The following ATXN7L1 variants were observed in gnomAD, a reference collection of about 807,000 sequenced individuals.
The protein encoded by ATXN7L1 is ataxin-7-like protein 1.
ATXN7L1 carries 15 observed loss-of-function variants against 70.8 expected under a neutral mutation model. The observed-to-expected ratio is 0.21, with a 90% CI of 0.14 to 0.33. The LOEUF is 0.33. Ranked by LOEUF, ATXN7L1 falls within the 10% of genes least tolerant of loss-of-function variation. ATXN7L1 has a pLI of 1.00. For missense variants in ATXN7L1, 975 were observed against 1,097.1 expected (o/e 0.89, Z 1.57); for synonymous variants, 440 against 445.1 (o/e 0.99, Z 0.14).
intron 2 of ATXN7L1, among the ~76,000 whole-genome samples, chr7:105,852,781 C>T (rs1313095689): frequency 2.0e-5 from 3 of 151,832 alleles, no homozygotes; most frequent in African/African-American, 7.3e-5. Context: ...AACAGGTATA[C>T]CCGCATTCAC....
At chr7:105,674,747 G>T (rs978953405) in intron 3 of ATXN7L1, among the ~76,000 whole-genome samples, 1 of 152,142 alleles carries the variant, frequency 6.6e-6, no homozygotes, top group African/African-American at 2.4e-5. Context: ...TTCCCCTGTG[G>T]TGGCATTCCC....
At chr7:105,670,488 T>C (rs984287052) in intron 3 of ATXN7L1, among the ~76,000 whole-genome samples, 2 of 152,238 alleles carry the variant, frequency 1.3e-5, no homozygotes, top group African/African-American at 2.4e-5. Context: ...TATAGCTTTA[T>C]TAAGAAAACT....
intron 4 of ATXN7L1, among the ~76,000 whole-genome samples, chr7:105,646,303 CCT>C (rs978607290): frequency 1.3e-5 from 2 of 152,032 alleles, no homozygotes; most frequent in African/African-American, 4.8e-5. Context: ...TCAACTCCCC[CCT>C]GACCCCACTG....
At chr7:105,866,772 C>T (rs997388599) in intron 2 of ATXN7L1, among the ~76,000 whole-genome samples, 1 of 152,168 alleles carries the variant, frequency 6.6e-6, no homozygotes, top group Non-Finnish European at 1.5e-5. Context: ...AAAGTAGAAC[C>T]CACTGGCTAA....
At chr7:105,627,768 G>GT (rs956944963) in intron 7 of ATXN7L1, among the ~76,000 whole-genome samples, 8 of 150,436 alleles carry the variant, frequency 5.3e-5, no homozygotes, top group African/African-American at 1.7e-4. Context: ...CTGACCTTAG[G>GT]TGATCTGCCC....
chr7:105,758,197 T>C (rs1344973390), intron 3 of ATXN7L1, among the ~76,000 whole-genome samples: 1 of 152,122 alleles, frequency 6.6e-6, no homozygotes, highest in East Asian at 1.9e-4. Flanking sequence ...AGCAGTGATA[T>C]GTGAAGGGGG....
At chr7:105,670,889 G>A (rs569142158) in intron 3 of ATXN7L1, among the ~76,000 whole-genome samples, 4 of 152,032 alleles carry the variant, frequency 2.6e-5, no homozygotes, top group South Asian at 2.1e-4. Flanking sequence ...GATGGATCAC[G>A]AGGTCAGGAG....
chr7:105,872,435 A>G (rs1818406822), intron 2 of ATXN7L1, among the ~76,000 whole-genome samples: 1 of 152,074 alleles, frequency 6.6e-6, no homozygotes, highest in African/African-American at 2.4e-5. Context: ...CCACCAACAG[A>G]TAAGTGGATA....
chr7:105,678,152 G>T (rs1301400103), intron 3 of ATXN7L1: 5 of 365,216 alleles, frequency 1.4e-5, no homozygotes, highest in African/African-American at 1.1e-4. Context: ...GAAGCAAAAG[G>T]TCTGAGTTAT....
intron 2 of ATXN7L1, among the ~76,000 whole-genome samples, chr7:105,800,278 C>A (rs1315468500): frequency 6.6e-6 from 1 of 152,186 alleles, no homozygotes; most frequent in Non-Finnish European, 1.5e-5. Context: ...GGGTTCCCAG[C>A]TTCAGTTTCC....
At chr7:105,724,573 CAAAAAAAA>C (rs573733959) in intron 3 of ATXN7L1, among the ~76,000 whole-genome samples, 13 of 80,454 alleles carry the variant, frequency 1.6e-4, no homozygotes, top group South Asian at 8.5e-4. Context: ...GACTCTGTCT[CAAAAAAAA>C]AAAAAAAAAA....
In ATXN7L1 at chr7:105,673,301, C is replaced by T. The variant is rs192601892; in HGVS notation, c.356-8013G>A. Among the ~76,000 whole-genome samples the T allele has an allele frequency of 2.8e-3, 431 of 152,284 alleles. 3 individuals carry two copies. The highest frequency in any genetic ancestry group is 5.1e-3 in the Non-Finnish European group (345 of 68,022). ...ACAGATGCCTCATGAATGGCTGAGC[C>T]GGCTGCAAATACTCAAGGTGGCTCC... On this transcript the variant is annotated intron_variant, in intron 3 of 11. Coordinates refer to ENST00000419735, the MANE Select transcript of ATXN7L1 (RefSeq NM_020725.2).
intron 7 of ATXN7L1, among the ~76,000 whole-genome samples, chr7:105,626,781 A>G (rs1214513001): frequency 6.6e-6 from 1 of 152,222 alleles, no homozygotes; most frequent in African/African-American, 2.4e-5. Flanking sequence ...AAAAACCAGT[A>G]TCCATAACTC....
At chr7:105,688,158 A>T (rs1333140297) in intron 3 of ATXN7L1, among the ~76,000 whole-genome samples, 1 of 152,092 alleles carries the variant, frequency 6.6e-6, no homozygotes, top group Non-Finnish European at 1.5e-5. Context: ...AGATACATTG[A>T]CTTGCATACC....
intron 8 of ATXN7L1, among the ~76,000 whole-genome samples, chr7:105,623,011 T>C (rs551156288): frequency 6.6e-6 from 1 of 152,200 alleles, no homozygotes; most frequent in Non-Finnish European, 1.5e-5. Context: ...GATGATTAAA[T>C]GACCTTAGCG....
chr7:105,840,814 G>T (rs1813097225), intron 2 of ATXN7L1, among the ~76,000 whole-genome samples: 2 of 152,186 alleles, frequency 1.3e-5, no homozygotes, highest in Non-Finnish European at 2.9e-5. Context: ...AGGTTTACCT[G>T]CCCCAGCTGG....
chr7:105,800,667 C>T (rs889724217), intron 2 of ATXN7L1, among the ~76,000 whole-genome samples: 2 of 152,192 alleles, frequency 1.3e-5, no homozygotes, highest in African/African-American at 4.8e-5. Context: ...AGCTGGGCAG[C>T]TGTGGGGTAG....
intron 3 of ATXN7L1, chr7:105,678,970 G>T: frequency 1.4e-6 from 1 of 705,456 alleles, no homozygotes; most frequent in Non-Finnish European, 1.7e-6. Context: ...AGCATGATCT[G>T]CCTGCCAGGA....
intron 2 of ATXN7L1, among the ~76,000 whole-genome samples, chr7:105,809,899 T>C (rs1373220955): frequency 6.6e-6 from 1 of 152,112 alleles, no homozygotes; most frequent in Non-Finnish European, 1.5e-5. Context: ...GCCTCCCAAG[T>C]AGCTGGGACG....
Sources: allele counts gnomAD v4.1 joint callset (sites outside exome capture counted in the v4.1 genomes callset), GRCh38; gene constraint gnomAD v4.1.1; transcripts MANE v1.5; gene names NCBI Gene and HGNC (gene_info 2026-07-23, HGNC 2026-07-21).